GPATCH8: variants seen among roughly 807,000 people sequenced by gnomAD.
GPATCH8 encodes the protein G-patch domain containing 8, also known as G patch domain-containing protein 8.
Under a neutral mutation model 118.3 loss-of-function variants are expected in GPATCH8, and 18 were observed. That is an observed-to-expected ratio of 0.15 (90% CI 0.11 to 0.23). The LOEUF is 0.23. GPATCH8 is among the 10% of genes least tolerant of loss of function. The pLI, the probability that GPATCH8 is intolerant of heterozygous loss-of-function variation, is 1.00. For synonymous variants in GPATCH8, 659 were observed against 684.7 expected (o/e 0.96, Z 0.59); for missense variants, 1,631 against 1,873.8 (o/e 0.87, Z 2.39).
At chr17:44,430,671 C>G (rs2050273798) in intron 5 of GPATCH8, among the ~76,000 whole-genome samples, 1 of 151,820 alleles carries the variant, frequency 6.6e-6, no homozygotes, top group South Asian at 2.1e-4. Flanking sequence ...TAGAGTCTCA[C>G]TCTGTCTGTC....
chr17:44,472,688 TTTTG>T (rs1358368239), intron 2 of GPATCH8, among the ~76,000 whole-genome samples: 2 of 151,904 alleles, frequency 1.3e-5, no homozygotes, highest in Non-Finnish European at 2.9e-5. Flanking sequence ...TTTTTTTTGT[TTTTG>T]TTTTTTTATT....
Position 44,395,369 on chromosome 17 carries a change from ATC to A in GPATCH8, c.*2197_*2198del, listed in dbSNP as rs532156150. On this transcript the variant is annotated 3_prime_UTR_variant, in exon 8 of 8. Coordinates refer to ENST00000591680, the MANE Select transcript of GPATCH8 (RefSeq NM_001002909.4). ...ATCATATGTGATAAAGTTAAATACA[ATC>A]TGTTATGCTTGTAAGTAAGGTTTAT... 5.8e-5 allele frequency: 26 copies of A among 449,110 alleles called. No homozygotes were observed. Among genetic ancestry groups the A allele is most frequent in the Non-Finnish European group, 1.1e-4 (24 of 225,154 alleles). 27.8% of individuals were successfully genotyped at this position (449,110 alleles called of 1,614,324 possible).
intron 1 of GPATCH8, among the ~76,000 whole-genome samples, chr17:44,500,528 T>C (rs1357276530): frequency 6.6e-6 from 1 of 152,210 alleles, no homozygotes; most frequent in Non-Finnish European, 1.5e-5. Flanking sequence ...CAACTTTAGG[T>C]ATTCACAAAT....
rs1555646882 is a variant in GPATCH8, at chr17:44,483,216, TAC to T, written c.46-8315_46-8314del. On this transcript the variant is annotated intron_variant, in intron 1 of 7. Transcript: ENST00000591680. The stretch of plus-strand genomic sequence containing the variant: ...ATATATATATATATATATATATATA[TAC>T]AGCCTACCTCTCATATCTCTTAGAC... 3.4e-5 allele frequency among the ~76,000 whole-genome samples: 3 copies of T among 87,582 alleles called. 1 individual carries two copies. Among genetic ancestry groups the T allele is most frequent in the African/African-American group, 1.3e-4 (3 of 22,910 alleles). 57.5% of individuals were successfully genotyped at this position (87,582 alleles called of 152,430 possible). A position where few individuals can be genotyped will look rare whatever the true frequency, so the allele number is the denominator to read the frequency against.
intron 3 of GPATCH8, among the ~76,000 whole-genome samples, chr17:44,458,010 G>A (rs1209590515): frequency 2.0e-5 from 3 of 151,686 alleles, no homozygotes; most frequent in South Asian, 2.1e-4. Flanking sequence ...GCGTGAACCC[G>A]GGAGGTGGAG....
rs537925667 is a variant in GPATCH8 at position 44,419,878 on chromosome 17, T to G, written c.492+4471A>C. Among the ~76,000 whole-genome samples the G allele has an allele frequency of 2.6e-5, 4 of 152,282 alleles. No individual in the cohort carries two copies. The East Asian group carries it at 7.7e-4, about 29-fold the overall frequency. ...AAGAGACGAACTATGAAAAATTTAG[T>G]GCTGTGCTTCTTTTGTTTATATATT... On this transcript the variant is annotated intron_variant, in intron 6 of 7. Transcript: ENST00000591680.
At chr17:44,442,474 GT>G (rs1052868655) in intron 3 of GPATCH8, among the ~76,000 whole-genome samples, 1 of 151,786 alleles carries the variant, frequency 6.6e-6, no homozygotes, top group East Asian at 1.9e-4. Context: ...CAAAATCCAT[GT>G]TTTTTTTGAG....
intron 3 of GPATCH8, among the ~76,000 whole-genome samples, chr17:44,448,074 G>T (rs1487844287): frequency 6.6e-6 from 1 of 152,042 alleles, no homozygotes; most frequent in Non-Finnish European, 1.5e-5. Context: ...CTCCTGAGTA[G>T]CTGGGATTAC....
At chr17:44,443,384 T>C (rs922428779) in intron 3 of GPATCH8, among the ~76,000 whole-genome samples, 2 of 152,176 alleles carry the variant, frequency 1.3e-5, no homozygotes, top group Non-Finnish European at 2.9e-5. Context: ...AAATTTCTCC[T>C]GAAAATGAGT....
intron 1 of GPATCH8, among the ~76,000 whole-genome samples, chr17:44,494,751 T>C (rs1424507634): frequency 2.0e-5 from 3 of 152,240 alleles, no homozygotes; most frequent in Non-Finnish European, 2.9e-5. Flanking sequence ...TATAGCTGAA[T>C]TAATCTTCCT....
chr17:44,414,706 CAAAAG>C (rs1007918243), intron 6 of GPATCH8, among the ~76,000 whole-genome samples: 32 of 152,186 alleles, frequency 2.1e-4, no homozygotes, highest in African/African-American at 7.7e-4. Context: ...TCATTACTCC[CAAAAG>C]AAACCTCATA....
intron 1 of GPATCH8, among the ~76,000 whole-genome samples, chr17:44,498,717 A>C (rs903870937): frequency 3.3e-5 from 5 of 152,214 alleles, no homozygotes; most frequent in African/African-American, 1.2e-4. Context: ...ATCCCAAGCC[A>C]AACTGACATT....
intron 1 of GPATCH8, among the ~76,000 whole-genome samples, chr17:44,495,715 C>T (rs893535247): frequency 2.0e-5 from 3 of 152,002 alleles, no homozygotes; most frequent in African/African-American, 7.3e-5. Context: ...CAGATGATAC[C>T]CTAGTACAAT....
chr17:44,417,288 A>C (rs1419106732), intron 6 of GPATCH8, among the ~76,000 whole-genome samples: 2 of 152,240 alleles, frequency 1.3e-5, no homozygotes, highest in African/African-American at 4.8e-5. Flanking sequence ...AAGCAGTTGC[A>C]AACAGTTTAG....
In GPATCH8 at chr17:44,401,451, G is replaced by A. The variant is rs761228135; in HGVS notation, c.626C>T (p.Ala209Val). Reference protein sequence around the residue: ...LAEQRKQAECAPGSGPMFKPT... With the variant: ...LAEQRKQAECVPGSGPMFKPT... ...TTTGAACATGGGACCACTTCCAGGT[G>A]CACTACATGATGATTTAGAAAAATA... The change falls in exon 8 of 8, where the codon GCA (alanine) becomes GTA (valine). Residue 209 changes from alanine to valine, a missense_variant and splice_region_variant. Ala to Val is a moderately conservative substitution (Grantham distance 64). Coordinates refer to ENST00000591680, the MANE Select transcript of GPATCH8 (RefSeq NM_001002909.4). The A allele has an allele frequency of 8.8e-6, 14 of 1,589,442 alleles. No homozygotes were observed. The Middle Eastern group carries it at 5.0e-4, about 57-fold the overall frequency.
At chr17:44,430,806 CTT>C (rs369020719) in intron 5 of GPATCH8, among the ~76,000 whole-genome samples, 4 of 129,544 alleles carry the variant, frequency 3.1e-5, no homozygotes, top group Admixed American at 8.1e-5. Context: ...CCACGCCCAG[CTT>C]TTTTTTTTTT....
At chr17:44,436,688 A>C in intron 3 of GPATCH8, 143 bp from the exon 4 acceptor site, 55 of 704,608 alleles carry the variant, frequency 7.8e-5, no homozygotes, top group East Asian at 1.9e-4. Context: ...AGCCATTCTC[A>C]CAGCTTACAC....
At chr17:44,494,870 T>C (rs1352087705) in intron 1 of GPATCH8, among the ~76,000 whole-genome samples, 2 of 152,350 alleles carry the variant, frequency 1.3e-5, no homozygotes, top group African/African-American at 4.8e-5. Flanking sequence ...GCCCTAGTCT[T>C]CACTTTTTCC....
intron 3 of GPATCH8, among the ~76,000 whole-genome samples, chr17:44,452,312 G>C (rs1034029500): frequency 8.1e-6 from 1 of 123,194 alleles, no homozygotes; most frequent in East Asian, 2.3e-4. Context: ...AAGGAAAAAA[G>C]ATCTTGGGCA....
Sources: allele counts gnomAD v4.1 joint callset (sites outside exome capture counted in the v4.1 genomes callset), GRCh38; gene constraint gnomAD v4.1.1; transcripts MANE v1.5; gene names NCBI Gene and HGNC (gene_info 2026-07-23, HGNC 2026-07-21).